Variants in ALG9 observed in about 807,000 individuals in gnomAD.
ALG9 encodes the protein ALG9 alpha-1,2-mannosyltransferase, also known as alpha-1,2-mannosyltransferase ALG9.
In ALG9, 55 loss-of-function variants were observed where a neutral mutation model predicts 81.8. That is an observed-to-expected ratio of 0.67 (90% CI 0.54 to 0.84). The LOEUF (loss-of-function observed/expected upper bound fraction) is 0.84, where lower values mean the gene tolerates loss of function less well. ALG9 is among the 40% of genes least tolerant of loss of function. ALG9 has a pLI of 0.00. For missense variants in ALG9, 629 were observed against 745.0 expected (o/e 0.84, Z 1.81); for synonymous variants, 278 against 274.3 (o/e 1.01, Z -0.13).
Position 111,838,336 on chromosome 11 carries a change from A to T in ALG9, c.1237T>A (p.Tyr413Asn). Reference sequence around the variant, plus strand: ...GCCAGCCAATTCGATGTCACAGTATAGTGCTCCAGGCGATATCGTTGAAAC... The same window carrying T: ...GCCAGCCAATTCGATGTCACAGTATTGTGCTCCAGGCGATATCGTTGAAAC... ...FVFQRYRLEH[Y>N]TVTSNWLALG... The change falls in exon 11 of 15, where the codon TAT (tyrosine) becomes AAT (asparagine). Residue 413 changes from tyrosine (Y) to asparagine (N), a missense_variant. Coordinates refer to ENST00000616540, the MANE Select transcript of ALG9 (RefSeq NM_024740.2). 1.2e-6 allele frequency: 2 copies of T among 1,613,988 alleles called. No homozygotes were observed. The highest frequency in any genetic ancestry group is 1.7e-6 in the Non-Finnish European group (2 of 1,179,820).
chr11:111,867,601 A>C (rs1555154507), intron 3 of ALG9, among the ~76,000 whole-genome samples: 1 of 152,230 alleles, frequency 6.6e-6, no homozygotes, highest in African/African-American at 2.4e-5. Context: ...GAGGGGACAT[A>C]GGAAAGAATC....
chr11:111,835,447 C>T (rs1489979546), intron 13 of ALG9, among the ~76,000 whole-genome samples: 1 of 152,122 alleles, frequency 6.6e-6, no homozygotes, highest in Admixed American at 6.5e-5. Flanking sequence ...GAGGCTGCTC[C>T]CTGGCATTCA....
At chr11:111,805,759 A>G (rs1299793571) in intron 14 of ALG9, among the ~76,000 whole-genome samples, 6 of 152,238 alleles carry the variant, frequency 3.9e-5, no homozygotes, top group African/African-American at 1.2e-4. Flanking sequence ...ATAGAACTGT[A>G]TAACACCAAG....
intron 14 of ALG9, among the ~76,000 whole-genome samples, chr11:111,799,446 CTTTTTT>C (rs35858293): frequency 7.1e-6 from 1 of 141,462 alleles, no homozygotes. Flanking sequence ...CGGCTGATTC[CTTTTTT>C]TTTTTTTTTT....
intron 14 of ALG9, among the ~76,000 whole-genome samples, chr11:111,794,929 A>T (rs1555073920): frequency 6.6e-6 from 1 of 152,248 alleles, no homozygotes; most frequent in Non-Finnish European, 1.5e-5. Context: ...TTCCATATCA[A>T]GCAATTTAAG....
At chr11:111,848,460 C>T (rs1555132997) in intron 8 of ALG9, among the ~76,000 whole-genome samples, 2 of 151,824 alleles carry the variant, frequency 1.3e-5, no homozygotes, top group African/African-American at 4.8e-5. Flanking sequence ...TGTGGTGGTG[C>T]ATGCCTGTAA....
At chr11:111,858,439 T>C (rs564817010) in intron 5 of ALG9, among the ~76,000 whole-genome samples, 1 of 152,358 alleles carries the variant, frequency 6.6e-6, no homozygotes, top group South Asian at 2.1e-4. Context: ...TTATCTTCCA[T>C]TGGTCCTCTG....
At position 111,865,197 on chromosome 11, in the gene ALG9, C is replaced by T; in HGVS notation, c.460G>A (p.Glu154Lys). 1.3e-6 allele frequency: 2 copies of T among 1,548,516 alleles called. No homozygotes were observed. The highest frequency in any genetic ancestry group is 1.7e-6 in the Non-Finnish European group (2 of 1,146,608). The change falls in exon 4 of 15, where the codon GAA becomes AAA. Residue 154 changes from glutamate (E) to lysine (K), a missense_variant. Physicochemically the swap from Glu to Lys is moderately conservative, Grantham distance 56. Around this residue, in one of 3 missense-constraint regions of ALG9, gnomAD observed 344 missense variants for 390.5 expected, o/e 0.88. Coordinates refer to ENST00000616540, the MANE Select transcript of ALG9 (RefSeq NM_024740.2). ...TATACTCACTTGTAAAAGTAAAGTT[C>T]ACAAATACAGCTCACAAAAGCCAGA... ...CLLAFVSCIC[E>K]LYFYKAVCKK...
At chr11:111,841,060 T>C (rs1390969289) in intron 9 of ALG9, among the ~76,000 whole-genome samples, 1 of 152,142 alleles carries the variant, frequency 6.6e-6, no homozygotes, top group Non-Finnish European at 1.5e-5. Flanking sequence ...AGGACACATA[T>C]AAATGTCAAG....
intron 3 of ALG9, 41 bp from the exon 4 acceptor site, chr11:111,865,292 T>A (rs111765214): frequency 4.7e-6 from 7 of 1,475,742 alleles, no homozygotes; most frequent in Non-Finnish European, 5.5e-6. Flanking sequence ...GTCACAGATA[T>A]GAGCTAGAAA....
At position 111,860,683 on chromosome 11, in the gene ALG9, C is replaced by A. The variant is rs782532675; in HGVS notation, c.477-48G>T. The A allele has an allele frequency of 4.2e-6, 6 of 1,418,284 alleles. No individual in the cohort carries two copies. In the East Asian group the frequency reaches 1.2e-4, roughly 28 times the overall value. The allele number at this position is 1,418,284 out of a possible 1,614,324, so 87.9% of individuals were successfully genotyped here. Reference sequence around the variant, plus strand: ...CAGCATTGAGAATATTAGGAATAGACATTTCAAATCAAAGGAGAAAAACAC... The same window carrying A: ...CAGCATTGAGAATATTAGGAATAGAAATTTCAAATCAAAGGAGAAAAACAC... On this transcript the variant is annotated intron_variant, in intron 4 of 14. Transcript: ENST00000616540.
At chr11:111,864,938 C>T (rs1432939777) in intron 4 of ALG9, among the ~76,000 whole-genome samples, 17 of 152,044 alleles carry the variant, frequency 1.1e-4, no homozygotes, top group African/African-American at 1.4e-4. Flanking sequence ...CCACCACAAC[C>T]GGCTAATTTT....
At chr11:111,844,896 G>A (rs1330378202) in intron 8 of ALG9, among the ~76,000 whole-genome samples, 173 bp from the exon 9 acceptor site, 7 of 152,160 alleles carry the variant, frequency 4.6e-5, no homozygotes, top group South Asian at 2.1e-4. Flanking sequence ...GCACAAGAGC[G>A]AGATGGAAGA....
At chr11:111,836,730 A>G (rs1955355718) in intron 12 of ALG9, 1 of 192,246 alleles carries the variant, frequency 5.2e-6, no homozygotes, top group South Asian at 9.7e-5. Context: ...ATCTTTATCT[A>G]TAAAACTATT....
At chr11:111,837,251 G>A (rs1565976959) in intron 12 of ALG9, among the ~76,000 whole-genome samples, 1 of 152,142 alleles carries the variant, frequency 6.6e-6, no homozygotes, top group Non-Finnish European at 1.5e-5. Flanking sequence ...TATGGGCAGT[G>A]CAGAATGTCT....
intron 13 of ALG9, among the ~76,000 whole-genome samples, chr11:111,831,661 C>T (rs535761987): frequency 9.6e-4 from 146 of 152,258 alleles, no homozygotes; most frequent in African/African-American, 3.3e-3. Context: ...TATCCTAGGG[C>T]TAATCTTTAT....
rs1555061625 is a variant in ALG9, at chr11:111,785,176, GGCA to G, written c.*1218_*1220del. 5.9e-5 allele frequency: 9 copies of G among 152,446 alleles called. No homozygotes were observed. The highest frequency in any genetic ancestry group is 1.9e-4 in the African/African-American group (8 of 41,532). The allele number at this position is 152,446 out of a possible 1,614,324, so 9.4% of individuals were successfully genotyped here. A position where few individuals can be genotyped will look rare whatever the true frequency, so the allele number is the denominator to read the frequency against. On this transcript the variant is annotated 3_prime_UTR_variant, in exon 15 of 15. Coordinates refer to ENST00000616540, the MANE Select transcript of ALG9 (RefSeq NM_024740.2). ...ATTACTTACTGGCTGTGTGACCTTA[GGCA>G]ACTAACTATCTTTACCTCCCCTCAC... is the stretch of plus-strand genomic sequence containing the variant.
chr11:111,799,643 G>A (rs1302542479), intron 14 of ALG9, among the ~76,000 whole-genome samples: 2 of 152,064 alleles, frequency 1.3e-5, no homozygotes, highest in African/African-American at 2.4e-5. Context: ...ATATATCTAT[G>A]TATCTTCTTT....
intron 14 of ALG9, among the ~76,000 whole-genome samples, chr11:111,788,132 A>G (rs1015994285): frequency 1.4e-4 from 22 of 152,218 alleles, no homozygotes; most frequent in African/African-American, 5.1e-4. Flanking sequence ...AAGGTGCTCC[A>G]CTGGCAGTCC....
Sources: gnomAD v4.1 joint callset for allele counts (sites outside exome capture counted in the v4.1 genomes callset) on GRCh38, gnomAD v4.1.1 for gene constraint, gnomAD v4.1.1 regional missense constraint, MANE v1.5 for transcripts, NCBI Gene and HGNC (gene_info 2026-07-23, HGNC 2026-07-21) for gene names.